Variants in TTN observed in about 807,000 individuals in gnomAD.
TTN encodes connectin.
A neutral mutation model predicts 3,223.0 loss-of-function variants in TTN; 1,525 were observed. That is an observed-to-expected ratio of 0.47 (90% CI 0.45 to 0.49). TTN has a LOEUF of 0.49. TTN is among the 20% of genes least tolerant of loss of function. The probability of loss-of-function intolerance (pLI) is 0.00; values close to 1 mark genes in which losing one functional copy is unlikely to be tolerated. For synonymous variants in TTN, 14,094 were observed against 15,161.0 expected (o/e 0.93, Z 5.17); for missense variants, 40,786 against 43,424.0 (o/e 0.94, Z 5.40).
In TTN at chr2:178,682,855, T is replaced by C. The variant is rs776641064; in HGVS notation, c.32936A>G (p.Glu10979Gly). ...TTCTTCCCGTTGTACTGAAACAGCTTCTTCTTCTAGGGTATAAGCCCTTTC... is the reference window on the plus strand; with the variant it reads ...TTCTTCCCGTTGTACTGAAACAGCTCCTTCTTCTAGGGTATAAGCCCTTTC... The part of the protein sequence containing the change: ...EKERAYTLEE[E>G]AVSVQREEEY... The change falls in exon 135 of 363, where the codon GAA (glutamate) becomes GGA (glycine). Residue 10979 changes from glutamate (E) to glycine (G), a missense_variant. Coordinates refer to ENST00000589042, the MANE Select transcript of TTN (RefSeq NM_001267550.2). The C allele has an allele frequency of 1.9e-6, 3 of 1,612,568 alleles. No individual in the cohort carries two copies. Among genetic ancestry groups the C allele is most frequent in the Non-Finnish European group, 2.5e-6 (3 of 1,179,170 alleles).
chr2:178,672,738 A>T (rs1246670219), intron 152 of TTN, 35 bp from the exon 153 acceptor site: 1 of 1,524,366 alleles, frequency 6.6e-7, no homozygotes, highest in South Asian at 1.2e-5. Flanking sequence ...TTAGCTGAGA[A>T]TGTTCAATAA....
Position 178,739,769 on chromosome 2 carries a change from TAG to T in TTN, c.13462_13463del (p.Leu4488AsnfsTer3), listed in dbSNP as rs2082156112. ...GCTGAATTCTAGGACCCTCAGCTGT[TAG>T]GATGTCTATTTCCTCATATATAATA... ...CAIIYEEIDI[L>X]TAEGPRIQQG... On this transcript the variant is annotated frameshift_variant, in exon 48 of 363. Coordinates refer to ENST00000589042, the MANE Select transcript of TTN (RefSeq NM_001267550.2). LOFTEE classifies it high-confidence loss of function. 2 of 1,613,890 alleles carry T rather than the reference TAG, an allele frequency of 1.2e-6. No homozygotes were observed. Among genetic ancestry groups the T allele is most frequent in the East Asian group, 4.5e-5 (2 of 44,864 alleles).
Position 178,770,668 on chromosome 2 carries a change from T to C in TTN, c.8124A>G (p.Lys2708=). The C allele has an allele frequency of 6.2e-7, 1 of 1,611,664 alleles. No individual in the cohort carries two copies. The highest frequency in any genetic ancestry group is 8.5e-7 in the Non-Finnish European group (1 of 1,179,962). ...TGAGGTTCTTCAGAGTCTTCTTAAT[T>C]TTGACAGCTAAAGACAAATTTATGA... ...TSAKLKVEAV[K]IKKTLKNLTV... The change falls in exon 35 of 363, where the codon AAA becomes AAG. Residue 2708 remains lysine (K), a synonymous_variant. Coordinates refer to ENST00000589042, the MANE Select transcript of TTN (RefSeq NM_001267550.2).
intron 40 of TTN, 23 bp from the exon 41 acceptor site, chr2:178,766,635 A>T (rs3816782): frequency 6.3e-7 from 1 of 1,581,882 alleles, no homozygotes; most frequent in South Asian, 1.1e-5. Context: ...CAACATAAAA[A>T]AACAACAACA....
In TTN at chr2:178,561,678, A is replaced by G. The variant is rs1454434383; in HGVS notation, c.84454T>C (p.Phe28152Leu). 5.0e-6 allele frequency: 8 copies of G among 1,607,418 alleles called. No homozygotes were observed. The highest frequency in any genetic ancestry group is 6.8e-6 in the Non-Finnish European group (8 of 1,175,936). The part of the protein sequence containing the change: ...ESSAVVAEYP[F>L]SPPGPPGTPK... ...GTACCAGGAGGACCTGGGGGACTGA[A>G]TGGATACTCTGCAACAACAGCTGAA... The change falls in exon 326 of 363, where the codon TTC (phenylalanine) becomes CTC (leucine). Residue 28152 changes from phenylalanine to leucine, a missense_variant. Physicochemically the swap from Phe to Leu is conservative, Grantham distance 22. Transcript: ENST00000589042.
intron 4 of TTN, 42 bp downstream of exon 4, chr2:178,800,353 G>GCT (rs775266929): frequency 1.5e-5 from 25 of 1,613,094 alleles, no homozygotes; most frequent in Non-Finnish European, 2.0e-5. Context: ...ACACAAACCA[G>GCT]CTCTCTCCCC....
rs371538664 is a variant in TTN, at chr2:178,607,934, C to T, written c.52853G>A (p.Arg17618His). The T allele has an allele frequency of 1.3e-4, 217 of 1,612,800 alleles. 2 individuals carry two copies. Among genetic ancestry groups the T allele is most frequent in the Middle Eastern group, 4.9e-4 (3 of 6,076 alleles). ...GACCTTGATCATCTTCTCTGTGCAG[C>T]GTGACCATTCATTTGTGCCAACCAA... Reference protein sequence around the residue: ...KQLVGTNEWSRCTEKMIKVRQ... With the variant: ...KQLVGTNEWSHCTEKMIKVRQ... The change falls in exon 276 of 363, where the codon CGC (arginine) becomes CAC (histidine). Residue 17618 changes from arginine (R) to histidine (H), a missense_variant. Physicochemically the swap from Arg to His is conservative, Grantham distance 29. Coordinates refer to ENST00000589042, the MANE Select transcript of TTN (RefSeq NM_001267550.2).
At chr2:178,711,490 TAAAG>T (rs777933696) in intron 96 of TTN, 141 bp from the exon 97 acceptor site, 26 of 1,067,888 alleles carry the variant, frequency 2.4e-5, no homozygotes, top group Non-Finnish European at 2.7e-5. Flanking sequence ...AACTTGGAGA[TAAAG>T]AAAAGCATAT....
chr2:178,528,168 A>T, intron 361 of TTN, 106 bp downstream of exon 361: 1 of 1,302,536 alleles, frequency 7.7e-7, no homozygotes, highest in Non-Finnish European at 1.0e-6. Context: ...CCTCTTTCAC[A>T]TGGAATTTAA....
At chr2:178,744,920 G>A in intron 47 of TTN, 1 of 985,104 alleles carries the variant, frequency 1.0e-6, no homozygotes, top group Non-Finnish European at 1.2e-6. Context: ...GAGCACAATT[G>A]GTCCCTTGAA....
chr2:178,785,580 T>C, intron 15 of TTN, 40 bp downstream of exon 15: 2 of 1,613,022 alleles, frequency 1.2e-6, no homozygotes, highest in Non-Finnish European at 1.7e-6. Context: ...GATACTTATT[T>C]CCTTTAAACA....
In TTN at chr2:178,720,609, T is replaced by C. The variant is rs1216947854; in HGVS notation, c.23153A>G (p.Asp7718Gly). Residue 7718 changes from aspartate (D) to glycine (G), a missense_variant, in exon 80 of 363, where the codon GAT (aspartate) becomes GGT (glycine). Physicochemically the swap from Asp to Gly is moderately conservative, Grantham distance 94. Transcript: ENST00000589042. ...PSPVGALKGS[D>G]VILQCEISGT... Reference sequence around the variant, plus strand: ...CGAAATTTCACATTGGAGAATCACATCAGAACCTTTAAGAGCTCCTACTGG... The same window carrying C: ...CGAAATTTCACATTGGAGAATCACACCAGAACCTTTAAGAGCTCCTACTGG... The C allele has an allele frequency of 3.7e-6, 6 of 1,612,694 alleles. No individual in the cohort carries two copies. Among genetic ancestry groups the C allele is most frequent in the Non-Finnish European group, 5.1e-6 (6 of 1,179,386 alleles).
In TTN at chr2:178,632,918, C is replaced by T. The variant is rs371795868; in HGVS notation, c.43213G>A (p.Glu14405Lys). 1.2e-6 allele frequency: 2 copies of T among 1,612,664 alleles called. No homozygotes were observed. Among genetic ancestry groups the T allele is most frequent in the Non-Finnish European group, 1.7e-6 (2 of 1,179,264 alleles). The change falls in exon 234 of 363, where the codon GAA becomes AAA. Residue 14405 changes from glutamate to lysine, a missense_variant and splice_region_variant. Coordinates refer to ENST00000589042, the MANE Select transcript of TTN (RefSeq NM_001267550.2). ...AKSAANLKVK[E>K]LPLIFITPLS... ...AACGTGGCTGACAAGTAGAGCATAC[C>T]TTTCACTTTCAGATTGGCTGCAGAT...
chr2:178,747,970 T>C, intron 47 of TTN: 1 of 1,613,126 alleles, frequency 6.2e-7, no homozygotes, highest in Non-Finnish European at 8.5e-7. Flanking sequence ...CTCTGTGGTC[T>C]TCCAAAGTGG....
At chr2:178,789,298 CATG>C in intron 13 of TTN, 59 bp downstream of exon 13, 1 of 1,598,066 alleles carries the variant, frequency 6.3e-7, no homozygotes, top group Non-Finnish European at 8.6e-7. Flanking sequence ...AGGAATTTCA[CATG>C]ATATGTGGTA....
chr2:178,624,415 AGTT>A, intron 242 of TTN, 47 bp downstream of exon 242: 1 of 1,604,298 alleles, frequency 6.2e-7, no homozygotes, highest in Non-Finnish European at 8.5e-7. Context: ...TTGTTGTTGT[AGTT>A]ATTAAAGAAT....
rs1030758412 is a variant in TTN at position 178,544,076 on chromosome 2, G to C, written c.96068C>G (p.Thr32023Ser). The C allele has an allele frequency of 1.9e-6, 3 of 1,612,842 alleles. No homozygotes were observed. The highest frequency in any genetic ancestry group is 1.7e-5 in the Admixed American group (1 of 59,944). ...GGAGGCCCCAGCCCTGATGGTCACA[G>C]TCTTCTTTAGATCATCTGCAAGCTC... ...DLELADDLKK[T>S]VTIRAGASLR... is the part of the protein sequence containing the mutation. The change falls in exon 346 of 363, where the codon ACT (threonine) becomes AGT (serine). Residue 32023 changes from threonine to serine, a missense_variant. Coordinates refer to ENST00000589042, the MANE Select transcript of TTN (RefSeq NM_001267550.2).
intron 224 of TTN, among the ~76,000 whole-genome samples, 180 bp downstream of exon 224, chr2:178,637,189 A>ATATATG (rs2060600469): frequency 1.6e-5 from 2 of 124,724 alleles, no homozygotes; most frequent in Non-Finnish European, 3.4e-5. Context: ...ATATATATAT[A>ATATATG]TCTCCTTGCA....
At chr2:178,628,165 G>A (rs756140060) in intron 240 of TTN, among the ~76,000 whole-genome samples, 10 of 152,002 alleles carry the variant, frequency 6.6e-5, no homozygotes, top group Non-Finnish European at 1.0e-4. Context: ...GAATTACCCT[G>A]TAATCACTTT....
Sources: allele counts gnomAD v4.1 joint callset (sites outside exome capture counted in the v4.1 genomes callset), GRCh38; gene constraint gnomAD v4.1.1; transcripts MANE v1.5; gene names NCBI Gene and HGNC (gene_info 2026-07-23, HGNC 2026-07-21).